Variants in UNC13C observed in about 807,000 individuals in gnomAD.
The protein encoded by UNC13C is unc-13 homolog C.
Under a neutral mutation model 245.4 loss-of-function variants are expected in UNC13C, and 174 were observed. That is an observed-to-expected ratio of 0.71 (90% CI 0.63 to 0.80). The LOEUF (loss-of-function observed/expected upper bound fraction) is 0.80. Among genes scored for constraint, UNC13C ranks in the 30% least tolerant of loss-of-function variants. UNC13C has a pLI of 0.00. For missense variants in UNC13C, 2,829 were observed against 2,602.9 expected (o/e 1.09, Z -1.89); for synonymous variants, 992 against 895.1 (o/e 1.11, Z -1.93).
chr15:54,394,237 C>A (rs933712455), intron 18 of UNC13C, among the ~76,000 whole-genome samples: 1 of 151,862 alleles, frequency 6.6e-6, no homozygotes, highest in Non-Finnish European at 1.5e-5. Flanking sequence ...TTTCAACAGT[C>A]CCCCAATTCC....
intron 2 of UNC13C, among the ~76,000 whole-genome samples, chr15:54,110,714 T>G (rs74553101): frequency 4.0e-5 from 6 of 150,596 alleles, no homozygotes; most frequent in Non-Finnish European, 8.8e-5. Context: ...TCAAAGTTGG[T>G]TTTTTTTGTG....
At chr15:54,500,745 G>C in intron 21 of UNC13C, 90 bp from the exon 22 acceptor site, 1 of 1,024,876 alleles carries the variant, frequency 9.8e-7, no homozygotes. Flanking sequence ...TGTGATACGG[G>C]AGATTCAGTT....
Position 54,322,112 on chromosome 15 carries a change from A to G in UNC13C, c.4425+17A>G, listed in dbSNP as rs767510633. 2 of 1,533,850 alleles carry G rather than the reference A, an allele frequency of 1.3e-6. No individual in the cohort carries two copies. The highest frequency in any genetic ancestry group is 2.5e-5 in the South Asian group (2 of 79,946). ...AACTTTGGTGTAAGTATAATTTTTTAAACTTTAAAATTCCTAGCAGCTTAT... is the reference window on the plus strand; with the variant it reads ...AACTTTGGTGTAAGTATAATTTTTTGAACTTTAAAATTCCTAGCAGCTTAT... On this transcript the variant is annotated intron_variant, in intron 14 of 32. Coordinates refer to ENST00000260323, the MANE Select transcript of UNC13C (RefSeq NM_001080534.3).
At chr15:54,608,755 C>A (rs1017890816) in intron 30 of UNC13C, among the ~76,000 whole-genome samples, 3 of 152,136 alleles carry the variant, frequency 2.0e-5, no homozygotes, top group African/African-American at 7.2e-5. Context: ...ATTGTATCTG[C>A]TGGGAAATGA....
rs1233681964 is a variant in UNC13C at position 54,015,538 on chromosome 15, G to A, written c.2635G>A (p.Val879Ile). The A allele has an allele frequency of 1.9e-6, 3 of 1,613,604 alleles. No homozygotes were observed. In the Admixed American group the frequency reaches 5.0e-5, roughly 27 times the overall value. The change falls in exon 2 of 33, where the codon GTT becomes ATT. Residue 879 changes from valine to isoleucine, a missense_variant. Transcript: ENST00000260323. ...EPVADNETDY[V>I]EVMEQVLAKL... is the part of the protein sequence containing the mutation. ...AGTGGCTGACAATGAAACAGATTAT[G>A]TTGAAGTCATGGAACAAGTCCTTGC...
At chr15:54,612,187 CATCA>C (rs1478997595) in intron 30 of UNC13C, among the ~76,000 whole-genome samples, 2 of 152,072 alleles carry the variant, frequency 1.3e-5, no homozygotes, top group Non-Finnish European at 2.9e-5. Context: ...CTCTTCCCAT[CATCA>C]ATAGTGGACT....
chr15:54,012,203 A>G (rs143613596), intron 1 of UNC13C, among the ~76,000 whole-genome samples: 6 of 152,316 alleles, frequency 3.9e-5, no homozygotes, highest in African/African-American at 1.4e-4. Context: ...GGTTATATAT[A>G]TATAGATAAT....
At chr15:54,410,186 C>G (rs962815087) in intron 18 of UNC13C, among the ~76,000 whole-genome samples, 11 of 151,964 alleles carry the variant, frequency 7.2e-5, no homozygotes, top group African/African-American at 2.7e-4. Flanking sequence ...TTTGAGAAGT[C>G]TCTGTTCATG....
intron 26 of UNC13C, among the ~76,000 whole-genome samples, chr15:54,544,682 G>C (rs1049735610): frequency 5.3e-5 from 8 of 152,138 alleles, no homozygotes; most frequent in African/African-American, 1.9e-4. Context: ...AATCATGAGT[G>C]AACTCCCATT....
intron 19 of UNC13C, among the ~76,000 whole-genome samples, chr15:54,492,349 A>C (rs1171228690): frequency 6.6e-6 from 1 of 152,142 alleles, no homozygotes; most frequent in Admixed American, 6.5e-5. Flanking sequence ...ATTAGATATA[A>C]ATTTCTAAGG....
At chr15:54,612,241 G>T (rs1351638207) in intron 30 of UNC13C, among the ~76,000 whole-genome samples, 1 of 151,340 alleles carries the variant, frequency 6.6e-6, no homozygotes, top group South Asian at 2.1e-4. Context: ...AGCATTAGGT[G>T]GTTGTATTTG....
chr15:54,241,237 G>T (rs12442051), intron 7 of UNC13C, among the ~76,000 whole-genome samples: 1 of 152,084 alleles, frequency 6.6e-6, no homozygotes, highest in African/African-American at 2.4e-5. Context: ...CAGGCTTCTA[G>T]GAAGTGTTCA....
At chr15:54,383,162 T>C (rs761364093) in intron 17 of UNC13C, among the ~76,000 whole-genome samples, 1 of 152,124 alleles carries the variant, frequency 6.6e-6, no homozygotes, top group Non-Finnish European at 1.5e-5. Context: ...TTCCAAAAAT[T>C]GAATAGAGAA....
chr15:53,938,204 G>GA, the UNC13C span, among the ~76,000 whole-genome samples: 34,077 of 150,024 alleles, frequency 0.23, 4,839 homozygotes, highest in Non-Finnish European at 0.31. Context: ...ATGGAAAGCA[G>GA]AAAAAAAAAG....
At chr15:54,200,506 T>C (rs1377349966) in intron 4 of UNC13C, among the ~76,000 whole-genome samples, 2 of 151,018 alleles carry the variant, frequency 1.3e-5, no homozygotes, top group East Asian at 3.9e-4. Context: ...TGGAATAAAA[T>C]AAAAAGAAAG....
intron 19 of UNC13C, among the ~76,000 whole-genome samples, chr15:54,474,685 G>A (rs2141049238): frequency 6.6e-6 from 1 of 152,066 alleles, no homozygotes; most frequent in South Asian, 2.1e-4. Context: ...TAGCTTTTTA[G>A]TTTAATATAG....
chr15:54,260,749 A>G (rs2036403437), intron 8 of UNC13C, among the ~76,000 whole-genome samples: 2 of 149,046 alleles, frequency 1.3e-5, no homozygotes, highest in Admixed American at 6.7e-5. Context: ...TTTTATATAT[A>G]AAGTTACGTA....
At chr15:54,428,301 G>A in intron 19 of UNC13C, among the ~76,000 whole-genome samples, 1 of 151,636 alleles carries the variant, frequency 6.6e-6, no homozygotes, top group East Asian at 2.0e-4. Flanking sequence ...GCCCCGCATT[G>A]TTGCTGGAGG....
intron 4 of UNC13C, among the ~76,000 whole-genome samples, chr15:54,204,753 A>G (rs17665487): frequency 0.76 from 114,799 of 151,880 alleles, 43,643 homozygotes; most frequent in Non-Finnish European, 0.78. Flanking sequence ...AGGAAAGCAA[A>G]AGAATTATTA....
Sources: allele counts gnomAD v4.1 joint callset (sites outside exome capture counted in the v4.1 genomes callset), GRCh38; gene constraint gnomAD v4.1.1; transcripts MANE v1.5; gene names NCBI Gene and HGNC (gene_info 2026-07-23, HGNC 2026-07-21).